Variants in PATJ observed in about 807,000 individuals in gnomAD.
The protein encoded by PATJ is inaD-like protein.
PATJ carries 190 observed loss-of-function variants against 224.9 expected under a neutral mutation model. That is an observed-to-expected ratio of 0.84 (90% CI 0.75 to 0.95). PATJ has a LOEUF of 0.95. PATJ is among the 40% of genes least tolerant of loss of function. The pLI is 0.00. For synonymous variants in PATJ, 769 were observed against 820.3 expected (o/e 0.94, Z 1.07); for missense variants, 2,121 against 2,270.3 (o/e 0.93, Z 1.34).
intron 27 of PATJ, among the ~76,000 whole-genome samples, chr1:61,943,023 A>C (rs939144993): frequency 6.6e-6 from 1 of 152,206 alleles, no homozygotes; most frequent in Admixed American, 6.5e-5. Flanking sequence ...ATGTCCATCA[A>C]CTGGTGACAG....
chr1:61,751,731 C>A (rs1645341479), intron 1 of PATJ, among the ~76,000 whole-genome samples: 1 of 152,030 alleles, frequency 6.6e-6, no homozygotes, highest in Non-Finnish European at 1.5e-5. Context: ...GAGGCTGAGG[C>A]AGGAGGATTG....
chr1:61,759,909 C>T (rs1350464895), intron 1 of PATJ, among the ~76,000 whole-genome samples: 1 of 152,072 alleles, frequency 6.6e-6, no homozygotes, highest in South Asian at 2.1e-4. Context: ...TTTTTCATGA[C>T]ATTTGGAGTA....
chr1:61,927,886 C>A, intron 27 of PATJ, 57 bp downstream of exon 27: 1 of 1,207,184 alleles, frequency 8.3e-7, no homozygotes, highest in Non-Finnish European at 1.2e-6. Flanking sequence ...TATGTTTTAA[C>A]GACTGTTGTA....
intron 26 of PATJ, among the ~76,000 whole-genome samples, chr1:61,924,721 G>C (rs1453560325): frequency 1.3e-5 from 2 of 152,160 alleles, no homozygotes; most frequent in African/African-American, 2.4e-5. Flanking sequence ...AATATGCTCT[G>C]AAGGTAGGAA....
chr1:62,136,477 TTGTGTGTGTG>T (rs111398189), intron 41 of PATJ, among the ~76,000 whole-genome samples: 6,353 of 149,190 alleles, frequency 0.043, 137 homozygotes, highest in Non-Finnish European at 0.047. Flanking sequence ...TGGGCTTTTC[TTGTGTGTGTG>T]TGTGTGTGTG....
chr1:62,054,970 G>A lies in PATJ; in HGVS notation c.4125+3912G>A, dbSNP rs572286535. 1.2e-4 allele frequency among the ~76,000 whole-genome samples: 18 copies of A among 152,098 alleles called. No homozygotes were observed. In the East Asian group the frequency reaches 2.3e-3, roughly 20 times the overall value. On this transcript the variant is annotated intron_variant, in intron 31 of 43. Transcript: ENST00000642238. ...CTTGGGAGGCTGAGGCAGGAGAATC[G>A]CTTGAATCTGGGAGGCGGAGGTTGC...
chr1:61,910,252 C>T (rs1049563378), intron 25 of PATJ, among the ~76,000 whole-genome samples: 2 of 152,190 alleles, frequency 1.3e-5, no homozygotes, highest in Non-Finnish European at 2.9e-5. Context: ...GCTAAGCTTT[C>T]AATCCAACCT....
chr1:62,148,141 A>AAAAAAAAAAAATT, intron 41 of PATJ, 143 bp from the exon 42 acceptor site: 1 of 471,916 alleles, frequency 2.1e-6, no homozygotes. Flanking sequence ...AAAAAAAAAA[A>AAAAAAAAAAAATT]GTTTGAGAGA....
chr1:61,811,563 G>A lies in PATJ; in HGVS notation c.1683+3033G>A, dbSNP rs140728816. Among the ~76,000 whole-genome samples the A allele has an allele frequency of 7.6e-4, 115 of 151,452 alleles. 1 individual carries two copies. In the East Asian group the frequency reaches 9.9e-3, roughly 13 times the overall value. ...ATTTTTATTATTATCATATAAATCA[G>A]TGTTGCATGAAATTGCTCTTTAATT... On this transcript the variant is annotated intron_variant, in intron 14 of 43. Coordinates refer to ENST00000642238, the MANE Select transcript of PATJ (RefSeq NM_001350145.3).
intron 31 of PATJ, among the ~76,000 whole-genome samples, chr1:62,064,830 T>C (rs905835768): frequency 1.3e-5 from 2 of 152,222 alleles, no homozygotes; most frequent in Non-Finnish European, 2.9e-5. Flanking sequence ...AACTGCTGGA[T>C]TTCTGGTTTG....
chr1:61,899,841 G>A (rs1348346545), intron 23 of PATJ, among the ~76,000 whole-genome samples, 187 bp downstream of exon 23: 3 of 152,170 alleles, frequency 2.0e-5, no homozygotes, highest in Admixed American at 6.5e-5. Flanking sequence ...CAAAATGACT[G>A]TAACTAATAT....
chr1:61,827,350 G>T (rs1488865919), intron 15 of PATJ, 72 bp from the exon 16 acceptor site: 1 of 1,315,746 alleles, frequency 7.6e-7, no homozygotes, highest in Non-Finnish European at 1.0e-6. Flanking sequence ...TTGGTAGATG[G>T]ATATAAATAA....
At chr1:62,017,743 A>AAAAAGAAAAG in intron 28 of PATJ, 113 bp from the exon 29 acceptor site, 1 of 516,386 alleles carries the variant, frequency 1.9e-6, no homozygotes. Flanking sequence ...AAAAAAAAAA[A>AAAAAGAAAAG]AAAAGAAAAG....
chr1:61,802,358 G>T (rs1652712108), intron 12 of PATJ, among the ~76,000 whole-genome samples: 1 of 152,320 alleles, frequency 6.6e-6, no homozygotes, highest in Non-Finnish European at 1.5e-5. Flanking sequence ...CTCCCAAAGT[G>T]TTGGGATTAT....
chr1:62,106,666 G>A (rs1570624765), intron 33 of PATJ, among the ~76,000 whole-genome samples: 2 of 152,050 alleles, frequency 1.3e-5, no homozygotes, highest in Admixed American at 6.6e-5. Context: ...TTGGTGGCTC[G>A]TTAACTCCAA....
chr1:62,131,726 G>T (rs1165471369), intron 41 of PATJ, among the ~76,000 whole-genome samples: 1 of 152,062 alleles, frequency 6.6e-6, no homozygotes. Flanking sequence ...GTTTGAGGCT[G>T]CAGTGAGCTA....
chr1:62,135,440 C>T (rs1194255860), intron 41 of PATJ, among the ~76,000 whole-genome samples: 3 of 143,072 alleles, frequency 2.1e-5, no homozygotes, highest in Non-Finnish European at 4.5e-5. Context: ...TGCTTGAACT[C>T]GGGAGGCAGA....
At chr1:62,122,318 T>G (rs903792684) in intron 38 of PATJ, among the ~76,000 whole-genome samples, 1 of 136,428 alleles carries the variant, frequency 7.3e-6, no homozygotes, top group African/African-American at 2.9e-5. Flanking sequence ...TGAGCTAAGA[T>G]CGGACCACTG....
At chr1:61,859,319 T>C (rs1426165075) in intron 18 of PATJ, among the ~76,000 whole-genome samples, 2 of 152,162 alleles carry the variant, frequency 1.3e-5, no homozygotes, top group African/African-American at 2.4e-5. Context: ...TGGGTGGAAC[T>C]TCACCCAGGC....
Sources: gnomAD v4.1 joint callset for allele counts (sites outside exome capture counted in the v4.1 genomes callset) on GRCh38, gnomAD v4.1.1 for gene constraint, MANE v1.5 for transcripts, NCBI Gene and HGNC (gene_info 2026-07-23, HGNC 2026-07-21) for gene names.